Variants in CTNNA3 observed in about 807,000 individuals in gnomAD.
The protein encoded by CTNNA3 is catenin alpha 3, also known as catenin alpha-3.
Under a neutral mutation model 95.7 loss-of-function variants are expected in CTNNA3, and 76 were observed. The observed-to-expected ratio is 0.79, with a 90% CI of 0.66 to 0.96. The LOEUF is 0.96. Among genes scored for constraint, CTNNA3 ranks in the 40% least tolerant of loss-of-function variants. The probability of loss-of-function intolerance (pLI) is 0.00; values close to 1 mark genes in which losing one functional copy is unlikely to be tolerated. For missense variants in CTNNA3, 1,191 were observed against 1,089.8 expected, an observed-to-expected ratio of 1.09 and a Z score of -1.31; for synonymous variants, 431 against 374.4, an observed-to-expected ratio of 1.15 and a Z score of -1.74.
At chr10:66,987,687 A>C (rs1033471049) in intron 7 of CTNNA3, among the ~76,000 whole-genome samples, 3 of 152,206 alleles carry the variant, frequency 2.0e-5, no homozygotes, top group Non-Finnish European at 4.4e-5. Flanking sequence ...AAGACTTACC[A>C]TTACACTTTA....
At chr10:67,432,266 G>T (rs1846132563) in intron 5 of CTNNA3, among the ~76,000 whole-genome samples, 1 of 151,830 alleles carries the variant, frequency 6.6e-6, no homozygotes, top group South Asian at 2.1e-4. Flanking sequence ...TAATAAAACA[G>T]AAAATGTACA....
At chr10:66,899,423 G>T (rs10997436) in intron 7 of CTNNA3, among the ~76,000 whole-genome samples, 1 of 152,108 alleles carries the variant, frequency 6.6e-6, no homozygotes, top group Non-Finnish European at 1.5e-5. Context: ...GAACAGCTCC[G>T]GTCGGAAGCT....
intron 13 of CTNNA3, among the ~76,000 whole-genome samples, chr10:66,115,582 T>TAGAC: frequency 7.7e-6 from 1 of 130,154 alleles, no homozygotes; most frequent in East Asian, 2.3e-4. Flanking sequence ...AGATAGATGA[T>TAGAC]AGATAGATAG....
At chr10:67,620,921 G>GTA (rs1272442858) in intron 2 of CTNNA3, among the ~76,000 whole-genome samples, 70 of 94,830 alleles carry the variant, frequency 7.4e-4, no homozygotes, top group East Asian at 5.0e-3. Context: ...GTGTGTGTGT[G>GTA]TGTATATATA....
chr10:66,308,510 C>T (rs961963022), intron 12 of CTNNA3, among the ~76,000 whole-genome samples: 1 of 151,976 alleles, frequency 6.6e-6, no homozygotes, highest in Non-Finnish European at 1.5e-5. Context: ...CATTTTTAGC[C>T]ATTAATATCT....
intron 7 of CTNNA3, among the ~76,000 whole-genome samples, chr10:66,962,564 C>T (rs1849173468): frequency 6.6e-6 from 1 of 151,944 alleles, no homozygotes; most frequent in Non-Finnish European, 1.5e-5. Context: ...CACGTGCCAC[C>T]ACACCCAGAT....
chr10:66,267,305 T>G (rs2091181544), intron 13 of CTNNA3, among the ~76,000 whole-genome samples: 1 of 152,162 alleles, frequency 6.6e-6, no homozygotes, highest in Admixed American at 6.6e-5. Flanking sequence ...TTCTTTCTCC[T>G]GTCTTGACCT....
At chr10:66,818,847 T>G (rs779481167) in intron 7 of CTNNA3, among the ~76,000 whole-genome samples, 3 of 152,096 alleles carry the variant, frequency 2.0e-5, no homozygotes, top group Non-Finnish European at 4.4e-5. Context: ...CCCAGCACTT[T>G]GGGAGGCCAA....
chr10:66,453,327 G>C (rs1163167759), intron 11 of CTNNA3, among the ~76,000 whole-genome samples: 1 of 152,088 alleles, frequency 6.6e-6, no homozygotes, highest in Admixed American at 6.5e-5. Context: ...ACTCTCTATT[G>C]CAATAACACT....
intron 7 of CTNNA3, among the ~76,000 whole-genome samples, chr10:66,934,620 C>T (rs61866208): frequency 6.6e-6 from 1 of 152,164 alleles, no homozygotes; most frequent in Non-Finnish European, 1.5e-5. Context: ...TTAAAGCTTA[C>T]TGTTTTCCTC....
chr10:66,591,197 G>A (rs1160438799), intron 10 of CTNNA3, among the ~76,000 whole-genome samples: 1 of 152,102 alleles, frequency 6.6e-6, no homozygotes, highest in Non-Finnish European at 1.5e-5. Context: ...GCCTCAGCAG[G>A]TTGGAAAATT....
chr10:66,834,701 AT>A (rs1287500128), intron 7 of CTNNA3, among the ~76,000 whole-genome samples: 1 of 152,192 alleles, frequency 6.6e-6, no homozygotes. Context: ...AAAGTTGTAG[AT>A]TTCCCGATTG....
chr10:67,415,022 C>T (rs1031753291), intron 5 of CTNNA3, among the ~76,000 whole-genome samples: 5 of 152,010 alleles, frequency 3.3e-5, no homozygotes, highest in African/African-American at 9.7e-5. Flanking sequence ...ATAATAAAAG[C>T]CATCCAGGCA....
chr10:66,771,775 TA>T (rs1441893071), intron 8 of CTNNA3, among the ~76,000 whole-genome samples: 1 of 152,178 alleles, frequency 6.6e-6, no homozygotes, highest in Non-Finnish European at 1.5e-5. Context: ...AAGCATTTAG[TA>T]AATGAGAGAT....
chr10:66,713,952 A>C (rs1468858650), intron 9 of CTNNA3, among the ~76,000 whole-genome samples: 1 of 152,134 alleles, frequency 6.6e-6, no homozygotes, highest in East Asian at 1.9e-4. Flanking sequence ...TAAGCCTAAA[A>C]TAATATTTTA....
chr10:67,649,513 A>C (rs908386726), intron 1 of CTNNA3, among the ~76,000 whole-genome samples: 1 of 152,204 alleles, frequency 6.6e-6, no homozygotes, highest in Non-Finnish European at 1.5e-5. Context: ...ATTAAGTAAA[A>C]GTTTTTCAAA....
chr10:67,724,301 T>C (rs1028718807), intron 1 of CTNNA3, among the ~76,000 whole-genome samples: 3 of 152,142 alleles, frequency 2.0e-5, no homozygotes, highest in Non-Finnish European at 4.4e-5. Context: ...ACAAGCTAGA[T>C]GGAAATGAGG....
At chr10:66,759,802 T>C (rs1839531174) in intron 9 of CTNNA3, among the ~76,000 whole-genome samples, 1 of 152,148 alleles carries the variant, frequency 6.6e-6, no homozygotes, top group South Asian at 2.1e-4. Flanking sequence ...TAAAAAGAAA[T>C]ATAAAATATC....
At chr10:67,372,668 T>C (rs1345659500) in intron 5 of CTNNA3, among the ~76,000 whole-genome samples, 1 of 151,906 alleles carries the variant, frequency 6.6e-6, no homozygotes, top group Non-Finnish European at 1.5e-5. Context: ...CCAAGACACA[T>C]AATTGTCAGA....
Sources: allele counts gnomAD v4.1 joint callset (sites outside exome capture counted in the v4.1 genomes callset), GRCh38; gene constraint gnomAD v4.1.1; transcripts MANE v1.5; gene names NCBI Gene and HGNC (gene_info 2026-07-23, HGNC 2026-07-21).